The following PSME3 variants were observed in gnomAD, a reference collection of about 807,000 sequenced individuals.
PSME3 encodes the protein proteasome activator complex subunit 3.
PSME3 carries 7 observed loss-of-function variants against 38.3 expected under a neutral mutation model. The ratio of observed to expected loss-of-function variants is 0.18; its 90% CI spans 0.10 to 0.34. The LOEUF is 0.34. PSME3 is among the 10% of genes least tolerant of loss of function. The pLI is 1.00. For missense variants in PSME3, 192 were observed against 307.6 expected (o/e 0.62, Z 2.81); for synonymous variants, 108 against 105.7 (o/e 1.02, Z -0.13).
At chr17:42,836,811 C>T (rs945985339) in intron 4 of PSME3, among the ~76,000 whole-genome samples, 2 of 152,002 alleles carry the variant, frequency 1.3e-5, no homozygotes, top group African/African-American at 2.4e-5. Context: ...ATCTGTGTGC[C>T]TTGGCCTCCC....
intron 1 of PSME3, chr17:42,833,945 C>T: frequency 4.2e-6 from 6 of 1,439,716 alleles, no homozygotes; most frequent in Non-Finnish European, 5.4e-6. Flanking sequence ...AGCTGGTAAT[C>T]CCCCAGCCCA....
At chr17:42,837,848 T>A in intron 5 of PSME3, 151 bp downstream of exon 5, 3 of 970,870 alleles carry the variant, frequency 3.1e-6, no homozygotes, top group Non-Finnish European at 4.7e-6. Context: ...ACGTGCTTGT[T>A]ATTGAGTGCT....
chr17:42,834,831 C>T lies in PSME3; in HGVS notation c.198C>T (p.Val66=). 1.9e-6 allele frequency: 3 copies of T among 1,614,060 alleles called. No individual in the cohort carries two copies. Among genetic ancestry groups the T allele is most frequent in the Non-Finnish European group, 2.5e-6 (3 of 1,179,988 alleles). ...TQIHSDMNLP[V]PDPILLTNSH... ...TCCACTCTGACATGAATCTCCCAGT[C>T]CCTGACCCCATTCTTCTCACCAATA... The change falls in exon 4 of 11, where the codon GTC becomes GTT. Residue 66 remains valine (V), a synonymous_variant. Transcript: ENST00000590720.
chr17:42,836,542 T>C (rs2055466455), intron 4 of PSME3, among the ~76,000 whole-genome samples: 1 of 152,190 alleles, frequency 6.6e-6, no homozygotes, highest in Admixed American at 6.5e-5. Context: ...CGTAATTTGC[T>C]TTGTGGTAAG....
Position 42,833,530 on chromosome 17 carries a change from G to A in PSME3, c.-102G>A, listed in dbSNP as rs2055423447. On this transcript the variant is annotated 5_prime_UTR_variant, in exon 1 of 11. Transcript: ENST00000590720. ...AGTGAGTAAGCCAGCAAGGGCGGTCGGGTCCCGAGGTCAGCCGAGATTTCT... is the reference window on the plus strand; with the variant it reads ...AGTGAGTAAGCCAGCAAGGGCGGTCAGGTCCCGAGGTCAGCCGAGATTTCT... 1.3e-6 allele frequency: 2 copies of A among 1,482,342 alleles called. No individual in the cohort carries two copies. The highest frequency in any genetic ancestry group is 2.8e-5 in the African/African-American group (2 of 72,082). The allele number at this position is 1,482,342 out of a possible 1,614,324, so 91.8% of individuals were successfully genotyped here.
rs35756762 is a variant in PSME3, at chr17:42,843,266, C to G, written c.*1688C>G. 1 of 152,884 alleles carries G rather than the reference C, an allele frequency of 6.5e-6. No individual in the cohort carries two copies. Among genetic ancestry groups the G allele is most frequent in the East Asian group, 1.9e-4 (1 of 5,328 alleles). 9.5% of individuals were successfully genotyped at this position (152,884 alleles called of 1,614,324 possible). ...AAGCCGCAGACCCTGGTGCAATGCT[C>G]TGGTGGCTAGGGATGTACTCATGCT... On this transcript the variant is annotated 3_prime_UTR_variant, in exon 11 of 11. Coordinates refer to ENST00000590720, the MANE Select transcript of PSME3 (RefSeq NM_005789.4).
chr17:42,833,795 T>C, intron 1 of PSME3, 122 bp downstream of exon 1: 10 of 1,594,566 alleles, frequency 6.3e-6, no homozygotes, highest in Non-Finnish European at 8.5e-6. Context: ...TCCGCTCGGC[T>C]CAGCCCAGCC....
At position 42,833,491 on chromosome 17, in the gene PSME3, G is replaced by A; in HGVS notation, c.-141G>A. ...CGGGCGGGCGGACGGCACAGAGGGA[G>A]GGAGCGAGCGAGCAGTGAGTAAGCC... On this transcript the variant is annotated 5_prime_UTR_variant, in exon 1 of 11. Coordinates refer to ENST00000590720, the MANE Select transcript of PSME3 (RefSeq NM_005789.4). 1 of 1,007,800 alleles carries A rather than the reference G, an allele frequency of 9.9e-7. No individual in the cohort carries two copies. Among genetic ancestry groups the A allele is most frequent in the Non-Finnish European group, 1.5e-6 (1 of 670,152 alleles). 62.4% of individuals were successfully genotyped at this position (1,007,800 alleles called of 1,614,324 possible). A position where few individuals can be genotyped will look rare whatever the true frequency, so the allele number is the denominator to read the frequency against.
rs1268273258 is a variant in PSME3 at position 42,841,583 on chromosome 17, A to C, written c.*5A>C. 6.3e-7 allele frequency: 1 copy of C among 1,578,278 alleles called. No individual in the cohort carries two copies. ...AATGCAGAGACTCTGTACTGAGGCCAGGGCCAGGGCCAGGGGACTCTGTGA... is the reference window on the plus strand; with the variant it reads ...AATGCAGAGACTCTGTACTGAGGCCCGGGCCAGGGCCAGGGGACTCTGTGA... On this transcript the variant is annotated 3_prime_UTR_variant, in exon 11 of 11. Coordinates refer to ENST00000590720, the MANE Select transcript of PSME3 (RefSeq NM_005789.4).
chr17:42,841,347 C>T, intron 10 of PSME3, 151 bp from the exon 11 acceptor site: 2 of 404,320 alleles, frequency 4.9e-6, no homozygotes, highest in Non-Finnish European at 4.4e-6. Context: ...CTTTAATTTC[C>T]TTCAAGTCGC....
chr17:42,837,487 C>T (rs2055477285), intron 4 of PSME3, among the ~76,000 whole-genome samples, 162 bp from the exon 5 acceptor site: 1 of 152,142 alleles, frequency 6.6e-6, no homozygotes, highest in South Asian at 2.1e-4. Flanking sequence ...GCCTTGCCTC[C>T]AATAACCTTT....
At position 42,833,615 on chromosome 17, in the gene PSME3, C is replaced by T. The variant is rs1242943204; in HGVS notation, c.-17C>T. On this transcript the variant is annotated 5_prime_UTR_variant, in exon 1 of 11. Coordinates refer to ENST00000590720, the MANE Select transcript of PSME3 (RefSeq NM_005789.4). ...CGCCTCCGGTGTCCAGAGGATCGGA[C>T]ACGGCCCGGCCCGGCCATGGCCTCG... is the stretch of plus-strand genomic sequence containing the variant. 1.2e-6 allele frequency: 2 copies of T among 1,614,228 alleles called. No homozygotes were observed. Among genetic ancestry groups the T allele is most frequent in the East Asian group, 4.5e-5 (2 of 44,884 alleles).
chr17:42,839,442 TG>T, intron 10 of PSME3, 62 bp downstream of exon 10: 2 of 1,386,944 alleles, frequency 1.4e-6, no homozygotes, highest in Non-Finnish European at 2.0e-6. Context: ...TTGAGAGTAT[TG>T]TTAAAATTCT....
chr17:42,838,889 C>T, intron 7 of PSME3, 56 bp from the exon 8 acceptor site: 1 of 1,602,374 alleles, frequency 6.2e-7, no homozygotes, highest in Admixed American at 1.7e-5. Context: ...TTCTTTGGGG[C>T]TGCTGTGGAT....
rs975751649 is a variant in PSME3 at position 42,833,693 on chromosome 17, C to T, written c.42+20C>T. The T allele has an allele frequency of 5.6e-6, 9 of 1,614,122 alleles. No homozygotes were observed. The highest frequency in any genetic ancestry group is 3.3e-5 in the Admixed American group (2 of 60,018). On this transcript the variant is annotated intron_variant, in intron 1 of 10. Coordinates refer to ENST00000590720, the MANE Select transcript of PSME3 (RefSeq NM_005789.4). ...CTCAAGGTAGCGGCACCGGTCCGGC[C>T]TTTTTGCCCCTCGCTTTGATCCCCC...
At chr17:42,834,941 C>G in intron 4 of PSME3, 65 bp downstream of exon 4, 1 of 1,597,966 alleles carries the variant, frequency 6.3e-7, no homozygotes, top group Non-Finnish European at 8.5e-7. Context: ...GTTTCCTTGT[C>G]AGTTTAAGAT....
At chr17:42,833,717 C>G in intron 1 of PSME3, 44 bp downstream of exon 1, 1 of 1,614,214 alleles carries the variant, frequency 6.2e-7, no homozygotes, top group Non-Finnish European at 8.5e-7. Flanking sequence ...CTTTGATCCC[C>G]CAGCAGTCTG....
rs893244157 is a variant in PSME3 at position 42,833,422 on chromosome 17, G to C, written c.-210G>C. On this transcript the variant is annotated 5_prime_UTR_variant, in exon 1 of 11. Transcript: ENST00000590720. Reference sequence around the variant, plus strand: ...GCAGTTTCCGGCGTGAGCGGCGAAAGCCGGGAGGGCGAGCGAGAGAGCAAG... The same window carrying C: ...GCAGTTTCCGGCGTGAGCGGCGAAACCCGGGAGGGCGAGCGAGAGAGCAAG... 1.6e-6 allele frequency: 1 copy of C among 613,134 alleles called. No homozygotes were observed. The highest frequency in any genetic ancestry group is 1.9e-5 in the African/African-American group (1 of 53,906). 38.0% of individuals were successfully genotyped at this position (613,134 alleles called of 1,614,324 possible).
chr17:42,836,304 C>A (rs184472250), intron 4 of PSME3, among the ~76,000 whole-genome samples: 1 of 152,044 alleles, frequency 6.6e-6, no homozygotes, highest in African/African-American at 2.4e-5. Context: ...CGTGCTCGGC[C>A]GGCAGGAGCT....
Sources: gnomAD v4.1 joint callset for allele counts (sites outside exome capture counted in the v4.1 genomes callset) on GRCh38, gnomAD v4.1.1 for gene constraint, MANE v1.5 for transcripts, NCBI Gene and HGNC (gene_info 2026-07-23, HGNC 2026-07-21) for gene names.